Variants in PTER observed in about 807,000 individuals in gnomAD.
The protein encoded by PTER is N-acetyltaurine hydrolase.
A neutral mutation model predicts 29.6 loss-of-function variants in PTER; 38 were observed. That is an observed-to-expected ratio of 1.28 (90% confidence interval 0.99 to 1.68). PTER has a LOEUF of 1.68. PTER is among the 40% of genes most tolerant of loss of function. The pLI is 0.00. For synonymous variants in PTER, 172 were observed against 154.5 expected (o/e 1.11, Z -0.84); for missense variants, 482 against 427.8 (o/e 1.13, Z -1.12).
intron 1 of PTER, among the ~76,000 whole-genome samples, chr10:16,439,884 C>T (rs1270042748): frequency 6.6e-6 from 1 of 151,998 alleles, no homozygotes; most frequent in African/African-American, 2.4e-5. Flanking sequence ...TATTAAATGC[C>T]CTAGTAAGCC....
In PTER at chr10:16,512,369, C is replaced by G. The variant is rs572174721; in HGVS notation, c.*1113C>G. 6.6e-6 allele frequency: 1 copy of G among 152,118 alleles called. No individual in the cohort carries two copies. The highest frequency in any genetic ancestry group is 1.5e-5 in the Non-Finnish European group (1 of 67,998). 9.4% of individuals were successfully genotyped at this position (152,118 alleles called of 1,614,324 possible). A position where few individuals can be genotyped will look rare whatever the true frequency, so the allele number is the denominator to read the frequency against. On this transcript the variant is annotated 3_prime_UTR_variant, in exon 5 of 5. Coordinates refer to ENST00000535784, the MANE Select transcript of PTER (RefSeq NM_001261836.2). The stretch of plus-strand genomic sequence containing the variant: ...TGGTACCTAAAAATATTCTCCAAAC[C>G]CTTGCTGCCAGTTCCTCTTTGATAA...
Position 16,486,466 on chromosome 10 carries a change from G to C in PTER, c.547G>C (p.Val183Leu). 1 of 1,614,038 alleles carries C rather than the reference G, an allele frequency of 6.2e-7. No homozygotes were observed. Residue 183 changes from valine (V) to leucine (L), a missense_variant, in exon 3 of 5, where the codon GTT becomes CTT. Physicochemically the swap from Val to Leu is conservative, Grantham distance 32. Coordinates refer to ENST00000535784, the MANE Select transcript of PTER (RefSeq NM_001261836.2). Reference sequence around the variant, plus strand: ...GCCTTTGACTGAGAGTGAAAGAAAGGTTCTCCAGGCCACAGCTCATGCCCA... The same window carrying C: ...GCCTTTGACTGAGAGTGAAAGAAAGCTTCTCCAGGCCACAGCTCATGCCCA... ...SWPLTESERK[V>L]LQATAHAQAQ...
At chr10:16,443,081 C>T (rs1273349346) in intron 1 of PTER, among the ~76,000 whole-genome samples, 1 of 152,122 alleles carries the variant, frequency 6.6e-6, no homozygotes, top group Non-Finnish European at 1.5e-5. Flanking sequence ...GTTTGTCTTC[C>T]TAGGGCTGCC....
chr10:16,448,593 G>A (rs542246663), intron 1 of PTER, among the ~76,000 whole-genome samples: 3 of 152,172 alleles, frequency 2.0e-5, no homozygotes, highest in African/African-American at 2.4e-5. Context: ...AATTTTAGTC[G>A]GATTTATTTC....
intron 4 of PTER, among the ~76,000 whole-genome samples, chr10:16,507,525 C>G (rs1836622404): frequency 6.6e-6 from 1 of 152,160 alleles, no homozygotes; most frequent in African/African-American, 2.4e-5. Context: ...AGGGGAAGAT[C>G]TTGAGCCAGT....
chr10:16,467,801 C>CAAAA (rs35109345), intron 1 of PTER, among the ~76,000 whole-genome samples: 147,137 of 152,152 alleles, frequency 0.97, 71,172 homozygotes, highest in East Asian at 1. Context: ...AATTATGTCT[C>CAAAA]AATAATAATA....
chr10:16,447,844 G>A (rs1037579356), intron 1 of PTER, among the ~76,000 whole-genome samples: 1 of 152,160 alleles, frequency 6.6e-6, no homozygotes, highest in Non-Finnish European at 1.5e-5. Context: ...ATTGGTGCAG[G>A]CTGGGGAGAG....
intron 1 of PTER, among the ~76,000 whole-genome samples, chr10:16,482,035 A>C (rs1013250328): frequency 6.6e-6 from 1 of 152,174 alleles, no homozygotes; most frequent in East Asian, 1.9e-4. Flanking sequence ...TGATTCTCTG[A>C]AGAGACACTG....
intron 4 of PTER, among the ~76,000 whole-genome samples, chr10:16,508,122 G>A (rs933917777): frequency 1.5e-4 from 21 of 141,248 alleles, no homozygotes; most frequent in African/African-American, 4.3e-4. Flanking sequence ...AGGCAGGAGC[G>A]CAGTGGCGCA....
chr10:16,505,151 G>C lies in PTER; in HGVS notation c.830G>C (p.Arg277Thr). Residue 277 changes from arginine to threonine, a missense_variant, in exon 4 of 5, where the codon AGA (arginine) becomes ACA (threonine). Coordinates refer to ENST00000535784, the MANE Select transcript of PTER (RefSeq NM_001261836.2). ...PDIDMPDDNKRIRRVRLLVEE... is the reference protein window; with the variant it reads ...PDIDMPDDNKTIRRVRLLVEE... ...ATTGACATGCCTGATGATAACAAAA[G>C]AATTAGAAGGTAAATATGGTAAAGC... 1 of 1,613,782 alleles carries C rather than the reference G, an allele frequency of 6.2e-7. No homozygotes were observed. Among genetic ancestry groups the C allele is most frequent in the Non-Finnish European group, 8.5e-7 (1 of 1,179,850 alleles).
chr10:16,448,615 C>A (rs973088367), intron 1 of PTER, among the ~76,000 whole-genome samples: 7 of 152,188 alleles, frequency 4.6e-5, no homozygotes, highest in Non-Finnish European at 7.3e-5. Context: ...CATCCCCTGG[C>A]ATGTAAATAT....
chr10:16,469,859 C>G (rs1018485068), intron 1 of PTER, among the ~76,000 whole-genome samples: 8 of 151,756 alleles, frequency 5.3e-5, no homozygotes, highest in African/African-American at 1.9e-4. Flanking sequence ...GGGGTTATAG[C>G]ATGAGCCACC....
At chr10:16,491,606 A>C (rs1835900913) in intron 3 of PTER, among the ~76,000 whole-genome samples, 3 of 152,102 alleles carry the variant, frequency 2.0e-5, no homozygotes, top group Non-Finnish European at 4.4e-5. Flanking sequence ...AAAAAATAAA[A>C]ACCAAGACAA....
Position 16,486,401 on chromosome 10 carries a change from G to A in PTER, c.482G>A (p.Ser161Asn). 1 of 1,613,988 alleles carries A rather than the reference G, an allele frequency of 6.2e-7. No individual in the cohort carries two copies. Among genetic ancestry groups the A allele is most frequent in the East Asian group, 2.2e-5 (1 of 44,886 alleles). The stretch of plus-strand genomic sequence containing the variant: ...ATTCTCCATGGAGCTGATGGAACCA[G>A]TATCAAGTGTGGCATTATTGGAGAA... ...NEILHGADGT[S>N]IKCGIIGEIG... The change falls in exon 3 of 5, where the codon AGT becomes AAT. Residue 161 changes from serine to asparagine, a missense_variant. Ser to Asn is a conservative substitution (Grantham distance 46, BLOSUM62 1). Transcript: ENST00000535784.
Position 16,504,383 on chromosome 10 carries a change from A to C in PTER, c.699-637A>C, listed in dbSNP as rs1032205639. ...CTATTGAAATGAGAAGATATCCATA[A>C]AATTTATCATAAAATAATAAATTTT... On this transcript the variant is annotated intron_variant, in intron 3 of 4. Coordinates refer to ENST00000535784, the MANE Select transcript of PTER (RefSeq NM_001261836.2). 3.3e-5 allele frequency among the ~76,000 whole-genome samples: 5 copies of C among 152,184 alleles called. No individual in the cohort carries two copies. The East Asian group carries it at 9.6e-4, about 29-fold the overall frequency.
Position 16,511,078 on chromosome 10 carries a change from A to G in PTER, c.872A>G (p.Asp291Gly). The G allele has an allele frequency of 1.2e-6, 2 of 1,613,958 alleles. No homozygotes were observed. Among genetic ancestry groups the G allele is most frequent in the Non-Finnish European group, 1.7e-6 (2 of 1,179,910 alleles). The change falls in exon 5 of 5, where the codon GAT (aspartate) becomes GGT (glycine). Residue 291 changes from aspartate (D) to glycine (G), a missense_variant. Transcript: ENST00000535784. ...CTCCTGGTGGAAGAGGGCTGTGAAG[A>G]TCGAATTCTGGTAGCACATGACATA... ...VRLLVEEGCEDRILVAHDIHT... is the reference protein window; with the variant it reads ...VRLLVEEGCEGRILVAHDIHT...
At position 16,456,870 on chromosome 10, in the gene PTER, G is replaced by GGGC. The variant is rs145411927; in HGVS notation, c.-49+19824_-49+19825insGCG. ...CTGAACCATGGGGAAGGTGGGGGGG[G>GGGC]GTTCCGCCATGCTGTTCTCGTGGTA... On this transcript the variant is annotated intron_variant, in intron 1 of 4. Coordinates refer to ENST00000535784, the MANE Select transcript of PTER (RefSeq NM_001261836.2). Among the ~76,000 whole-genome samples the GGGC allele has an allele frequency of 9.4e-3, 1,413 of 149,570 alleles. 35 individuals carry two copies. The highest frequency in any genetic ancestry group is 0.021 in the Middle Eastern group (6 of 290).
intron 1 of PTER, among the ~76,000 whole-genome samples, chr10:16,476,415 C>T (rs112244240): frequency 2.6e-5 from 4 of 152,026 alleles, no homozygotes; most frequent in African/African-American, 7.3e-5. Flanking sequence ...TTTTAGGTAT[C>T]GTTTTACTTG....
At chr10:16,445,464 G>A (rs1031277934) in intron 1 of PTER, among the ~76,000 whole-genome samples, 12 of 152,158 alleles carry the variant, frequency 7.9e-5, no homozygotes, top group African/African-American at 2.9e-4. Flanking sequence ...AAGAGTAGCT[G>A]GAAGAGTATC....
Sources: gnomAD v4.1 joint callset for allele counts (sites outside exome capture counted in the v4.1 genomes callset) on GRCh38, gnomAD v4.1.1 for gene constraint, MANE v1.5 for transcripts, NCBI Gene and HGNC (gene_info 2026-07-23, HGNC 2026-07-21) for gene names.